Variants in TEX9 observed in about 807,000 individuals in gnomAD.
TEX9 encodes testis-expressed protein 9.
TEX9 carries 74 observed loss-of-function variants against 59.6 expected under a neutral mutation model. The ratio of observed to expected loss-of-function variants is 1.24; its 90% confidence interval spans 1.03 to 1.51. TEX9 has a LOEUF of 1.51. TEX9 is among the 40% of genes most tolerant of loss of function. The pLI, the probability that TEX9 is intolerant of heterozygous loss-of-function variation, is 0.00. For synonymous variants in TEX9, 186 were observed against 152.2 expected (o/e 1.22, Z -1.64); for missense variants, 522 against 447.8 (o/e 1.17, Z -1.49).
At chr15:56,378,644 T>TA (rs535814510) in intron 3 of TEX9, among the ~76,000 whole-genome samples, 3 of 151,986 alleles carry the variant, frequency 2.0e-5, no homozygotes, top group Non-Finnish European at 4.4e-5. Context: ...TGCTCATCTT[T>TA]AAAAAAAACC....
At chr15:56,420,456 C>T (rs1462794378) in intron 10 of TEX9, among the ~76,000 whole-genome samples, 6 of 151,542 alleles carry the variant, frequency 4.0e-5, no homozygotes, top group Admixed American at 6.6e-5. Context: ...TACAGGCCCC[C>T]GCCACCATGC....
chr15:56,381,474 G>T (rs745689879), intron 3 of TEX9, among the ~76,000 whole-genome samples: 1 of 152,166 alleles, frequency 6.6e-6, no homozygotes, highest in African/African-American at 2.4e-5. Context: ...GTTTGTCACT[G>T]TCTAGGCATT....
rs1036257992 is a variant in TEX9 at position 56,425,353 on chromosome 15, T to C, written c.964-2252T>C. On this transcript the variant is annotated intron_variant, in intron 10 of 12. Transcript: ENST00000352903. ...TTTTCTATCTAAGATTACACTGATA[T>C]ACATATTGGCCCACTTGATGGTCTC... Among the ~76,000 whole-genome samples the C allele has an allele frequency of 4.1e-4, 62 of 152,244 alleles. 1 individual carries two copies. The highest frequency in any genetic ancestry group is 1.5e-3 in the African/African-American group (61 of 41,558).
At chr15:56,422,793 T>G (rs1447313032) in intron 10 of TEX9, among the ~76,000 whole-genome samples, 4 of 152,012 alleles carry the variant, frequency 2.6e-5, no homozygotes, top group Non-Finnish European at 4.4e-5. Flanking sequence ...CTCTACCAAT[T>G]AAGCCACTCC....
chr15:56,361,653 T>C (rs1440043684), upstream of TEX9, among the ~76,000 whole-genome samples: 1 of 152,182 alleles, frequency 6.6e-6, no homozygotes. Flanking sequence ...CCTGTGAATA[T>C]GGTCTTTACA....
chr15:56,426,618 T>G (rs1490428123), intron 10 of TEX9, among the ~76,000 whole-genome samples: 1 of 49,130 alleles, frequency 2.0e-5, no homozygotes, highest in African/African-American at 7.4e-5. Flanking sequence ...TATATATATA[T>G]ATATATATAC....
At chr15:56,309,186 A>G (rs748358070) in intron 1 of TEX9, among the ~76,000 whole-genome samples, 18 of 152,168 alleles carry the variant, frequency 1.2e-4, no homozygotes, top group Non-Finnish European at 2.6e-4. Flanking sequence ...GTATGACACT[A>G]GCTGTAGGTT....
intron 1 of TEX9, among the ~76,000 whole-genome samples, chr15:56,273,580 C>T (rs1453032186): frequency 6.6e-6 from 1 of 152,114 alleles, no homozygotes; most frequent in Non-Finnish European, 1.5e-5. Context: ...TTTGTCATTT[C>T]TTTGTGTAGA....
chr15:56,343,807 A>T (rs748151126), intron 1 of TEX9, among the ~76,000 whole-genome samples: 1 of 152,178 alleles, frequency 6.6e-6, no homozygotes, highest in Non-Finnish European at 1.5e-5. Context: ...TAAATAACCT[A>T]TATTTAAAAG....
chr15:56,255,483 A>T (rs1194978290), intron 1 of TEX9, among the ~76,000 whole-genome samples: 1 of 152,128 alleles, frequency 6.6e-6, no homozygotes, highest in East Asian at 1.9e-4. Context: ...TTAATAAAAA[A>T]ATCTCAAATT....
chr15:56,342,036 G>C (rs1396819770), intron 1 of TEX9, among the ~76,000 whole-genome samples: 1 of 151,892 alleles, frequency 6.6e-6, no homozygotes, highest in African/African-American at 2.4e-5. Flanking sequence ...CATTGATATA[G>C]TTTCAATTTC....
exon 8 of TEX9, chr15:56,394,229 A>T: frequency 6.2e-7 from 1 of 1,606,260 alleles, no homozygotes; most frequent in African/African-American, 1.3e-5. Flanking sequence ...ATAATGTTGT[A>T]TGTGAATGCA....
In TEX9 at chr15:56,313,561, T is replaced by C. The variant is rs1305524735; in HGVS notation, c.-106-59880T>C. 4.4e-5 allele frequency among the ~76,000 whole-genome samples: 6 copies of C among 135,680 alleles called. 1 individual carries two copies. The highest frequency in any genetic ancestry group is 2.5e-4 in the South Asian group (1 of 3,996). The allele number at this position is 135,680 out of a possible 152,430, so 89.0% of individuals were successfully genotyped here. A position where few individuals can be genotyped will look rare whatever the true frequency, so the allele number is the denominator to read the frequency against. On this transcript the variant is annotated intron_variant, in intron 1 of 5. Transcript: ENST00000560827. Reference sequence around the variant, plus strand: ...CTGGATTCGTTTTGCCAGTATTTTATTGAGGATTTTTGCATCAATGTTCAT... The same window carrying C: ...CTGGATTCGTTTTGCCAGTATTTTACTGAGGATTTTTGCATCAATGTTCAT...
In TEX9 at chr15:56,291,307, G is replaced by A. The variant is rs556792623; in HGVS notation, c.-107+47029G>A. ...TGTGATTTGAAACTGAAGGACCAAC[G>A]ATGCTTGTTTTCACTTTGGATGGTT... is the stretch of plus-strand genomic sequence containing the variant. On this transcript the variant is annotated intron_variant, in intron 1 of 5. Coordinates refer to the TEX9 transcript ENST00000560827. Among the ~76,000 whole-genome samples, 6 of 152,258 alleles carry A rather than the reference G, an allele frequency of 3.9e-5. No homozygotes were observed. In the East Asian group the frequency reaches 5.8e-4, roughly 15 times the overall value.
chr15:56,395,652 ATTATAGCCATACTGCAAGTGTAAAAGGG>A (rs1485685612), intron 9 of TEX9: 6 of 152,118 alleles, frequency 3.9e-5, no homozygotes, highest in Admixed American at 1.3e-4. Flanking sequence ...TATCTTTTTG[ATTATAGCCATACTGCAAGTGTAAAAGGG>A]TTACCTCATT....
At chr15:56,394,998 T>C in intron 9 of TEX9, 164 bp downstream of exon 9, 1 of 686,514 alleles carries the variant, frequency 1.5e-6, no homozygotes, top group Non-Finnish European at 2.4e-6. Context: ...TATTGAGATG[T>C]AATTCACCCT....
At chr15:56,293,370 TAAAAAATAA>T (rs1243189091) in intron 1 of TEX9, among the ~76,000 whole-genome samples, 1 of 151,480 alleles carries the variant, frequency 6.6e-6, no homozygotes. Flanking sequence ...CTTTGCCATC[TAAAAAATAA>T]AAAAAATAAA....
intron 12 of TEX9, among the ~76,000 whole-genome samples, chr15:56,435,893 C>A (rs557050783): frequency 2.0e-4 from 30 of 152,060 alleles, no homozygotes; most frequent in South Asian, 6.2e-4. Context: ...ATGCACAAAT[C>A]CTTAACCCAA....
At chr15:56,250,376 A>T (rs2043986426) in intron 1 of TEX9, among the ~76,000 whole-genome samples, 1 of 152,164 alleles carries the variant, frequency 6.6e-6, no homozygotes, top group Admixed American at 6.5e-5. Context: ...TGAAGGATTT[A>T]TAAAGGTGGG....
Sources: allele counts gnomAD v4.1 joint callset (sites outside exome capture counted in the v4.1 genomes callset), GRCh38; gene constraint gnomAD v4.1.1; transcripts MANE v1.5; gene names NCBI Gene and HGNC (gene_info 2026-07-23, HGNC 2026-07-21).